Variants in HNF1A observed in about 807,000 individuals in gnomAD.
The protein encoded by HNF1A is hepatocyte nuclear factor 1-alpha.
In HNF1A, 21 loss-of-function variants were observed where a neutral mutation model predicts 62.2. That is an observed-to-expected ratio of 0.34 (90% confidence interval 0.24 to 0.49). The LOEUF (loss-of-function observed/expected upper bound fraction) is 0.49. Ranked by LOEUF, HNF1A falls within the 20% of genes least tolerant of loss-of-function variation. HNF1A has a pLI of 0.99. For synonymous variants in HNF1A, 374 were observed against 366.8 expected (o/e 1.02, Z -0.22); for missense variants, 687 against 832.3 (o/e 0.83, Z 2.15).
chr12:120,999,718 G>A lies in HNF1A; in HGVS notation c.1768+91G>A, dbSNP rs575300468. On this transcript the variant is annotated intron_variant, in intron 9 of 9. Coordinates refer to ENST00000257555, the MANE Select transcript of HNF1A (RefSeq NM_000545.8). ...TTCTGTTGCTGTCCGTCACTGTGGG[G>A]CTGTGCATGCAGCAGGCCTAGGGCT... 9 of 1,477,334 alleles carry A rather than the reference G, an allele frequency of 6.1e-6. No homozygotes were observed. The Admixed American group carries it at 1.0e-4, about 16-fold the overall frequency. The allele number at this position is 1,477,334 out of a possible 1,614,324, so 91.5% of individuals were successfully genotyped here.
rs1486219489 is a variant in HNF1A at position 120,978,691 on chromosome 12, A to G, written c.-78A>G. 7.3e-7 allele frequency: 1 copy of G among 1,377,038 alleles called. No individual in the cohort carries two copies. Among genetic ancestry groups the G allele is most frequent in the African/African-American group, 1.4e-5 (1 of 70,542 alleles). 85.3% of individuals were successfully genotyped at this position (1,377,038 alleles called of 1,614,324 possible). ...GTTTGGTTTGTGTCTGCCGGCCGGC[A>G]GGCAAACGCAACCCACGCGGTGGGG... On this transcript the variant is annotated 5_prime_UTR_variant, in exon 1 of 10. Transcript: ENST00000257555.
intron 1 of HNF1A, 21 bp from the exon 2 acceptor site, chr12:120,988,812 C>A (rs367840665): frequency 1.7e-5 from 27 of 1,612,764 alleles, no homozygotes; most frequent in Middle Eastern, 3.3e-4. Flanking sequence ...CTGAGCAGAT[C>A]CCGTCCTTGC....
chr12:121,001,976 G>A lies in HNF1A; in HGVS notation c.*784G>A, dbSNP rs551229959. On this transcript the variant is annotated 3_prime_UTR_variant, in exon 10 of 10. Transcript: ENST00000257555. ...CCTCTACTGGGAAGGCTACTTCGGG[G>A]CTGGGAAGTCGTCCTTACTCCTGTG... The A allele has an allele frequency of 5.6e-6, 3 of 534,920 alleles. No individual in the cohort carries two copies. The East Asian group carries it at 1.2e-4, about 21-fold the overall frequency. 33.1% of individuals were successfully genotyped at this position (534,920 alleles called of 1,614,324 possible). A position where few individuals can be genotyped will look rare whatever the true frequency, so the allele number is the denominator to read the frequency against.
At position 120,995,791 on chromosome 12, in the gene HNF1A, C is replaced by T. The variant is rs187998322; in HGVS notation, c.956-471C>T. ...CCTCTCCACCCTTTACCACTCCACT[C>T]GACTGTACCCATTCCACTTGATCCC... On this transcript the variant is annotated intron_variant, in intron 4 of 9. Transcript: ENST00000257555. Among the ~76,000 whole-genome samples, 826 of 152,210 alleles carry T rather than the reference C, an allele frequency of 5.4e-3. 5 individuals carry two copies. Among genetic ancestry groups the T allele is most frequent in the Admixed American group, 0.019 (289 of 15,286 alleles).
chr12:120,982,466 G>GGAGC (rs1555210725), intron 1 of HNF1A, among the ~76,000 whole-genome samples: 5 of 151,630 alleles, frequency 3.3e-5, no homozygotes, highest in Non-Finnish European at 7.4e-5. Context: ...CAGGAGGGGG[G>GGAGC]GGGGACAGAG....
intron 7 of HNF1A, 66 bp from the exon 8 acceptor site, chr12:120,999,202 T>G (rs1444306525): frequency 2.5e-6 from 4 of 1,592,880 alleles, no homozygotes; most frequent in Admixed American, 1.7e-5. Context: ...TTCCCCAGTC[T>G]TGAGGCCTGG....
intron 7 of HNF1A, 27 bp from the exon 8 acceptor site, chr12:120,999,241 G>A (rs186358468): frequency 7.4e-6 from 12 of 1,613,630 alleles, no homozygotes; most frequent in Admixed American, 5.0e-5. Context: ...CGTCTGCCAC[G>A]TCTGCCCCTC....
Position 120,988,837 on chromosome 12 carries a change from G to T in HNF1A, c.331G>T (p.Asp111Tyr). The change falls in exon 2 of 10, where the codon GAC becomes TAC. Residue 111 changes from aspartate (D) to tyrosine (Y), a missense_variant. Physicochemically the swap from Asp to Tyr is radical, Grantham distance 160 (BLOSUM62 -3). Coordinates refer to ENST00000257555, the MANE Select transcript of HNF1A (RefSeq NM_000545.8). ...CCCGTCCTTGCCCTCTCCCAGGGAG[G>T]ACCCGTGGCGTGTGGCGAAGATGGT... ...KAVVETLLQE[D>Y]PWRVAKMVKS... The T allele has an allele frequency of 6.2e-7, 1 of 1,614,196 alleles. No homozygotes were observed. Among genetic ancestry groups the T allele is most frequent in the South Asian group, 1.1e-5 (1 of 91,076 alleles).
intron 1 of HNF1A, among the ~76,000 whole-genome samples, chr12:120,983,798 G>A (rs149030470): frequency 7.4e-4 from 113 of 152,068 alleles, no homozygotes; most frequent in African/African-American, 2.4e-3. Context: ...CACCCGCCTC[G>A]GCCTCCCAAA....
At chr12:120,979,970 G>A (rs963365540) in intron 1 of HNF1A, among the ~76,000 whole-genome samples, 2 of 152,230 alleles carry the variant, frequency 1.3e-5, no homozygotes, top group African/African-American at 2.4e-5. Flanking sequence ...ATGGGGGTGT[G>A]GGGGAGAAGG....
intron 2 of HNF1A, among the ~76,000 whole-genome samples, chr12:120,992,966 C>T (rs1876906036): frequency 6.6e-6 from 1 of 152,158 alleles, no homozygotes; most frequent in African/African-American, 2.4e-5. Flanking sequence ...GTGGCCTGCT[C>T]AGGGATAAGC....
chr12:120,979,954 T>C (rs970637485), intron 1 of HNF1A, among the ~76,000 whole-genome samples: 1 of 151,422 alleles, frequency 6.6e-6, no homozygotes, highest in Non-Finnish European at 1.5e-5. Context: ...CTAGTGGGGG[T>C]GGGGGATGGG....
intron 2 of HNF1A, among the ~76,000 whole-genome samples, chr12:120,991,780 TTGTA>T (rs1226261750): frequency 6.6e-6 from 1 of 152,206 alleles, no homozygotes. Context: ...CTATTTTAAT[TTGTA>T]TGAGAAGAAA....
chr12:120,988,799 T>A (rs1402107285), intron 1 of HNF1A, 34 bp from the exon 2 acceptor site: 8 of 1,608,460 alleles, frequency 5.0e-6, no homozygotes, highest in Non-Finnish European at 8.5e-7. Context: ...GAGACAGCCC[T>A]TGCTGAGCAG....
At position 120,999,532 on chromosome 12, in the gene HNF1A, C is replaced by G; in HGVS notation, c.1673C>G (p.Pro558Arg). ...TCCAGTGAGTCCGGGCTTCACACGC[C>G]GGCATCTCAGGCCACCACCCTCCAC... ...EASSESGLHT[P>R]ASQATTLHVP... The change falls in exon 9 of 10, where the codon CCG becomes CGG. Residue 558 changes from proline to arginine, a missense_variant. Pro to Arg is a moderately radical substitution (Grantham distance 103). Coordinates refer to ENST00000257555, the MANE Select transcript of HNF1A (RefSeq NM_000545.8). 6.2e-7 allele frequency: 1 copy of G among 1,613,434 alleles called. No individual in the cohort carries two copies. Among genetic ancestry groups the G allele is most frequent in the East Asian group, 2.2e-5 (1 of 44,870 alleles).
At chr12:120,986,739 C>T (rs1876530608) in intron 1 of HNF1A, among the ~76,000 whole-genome samples, 1 of 152,170 alleles carries the variant, frequency 6.6e-6, no homozygotes, top group South Asian at 2.1e-4. Flanking sequence ...GCCACAATAT[C>T]TGACTTATTT....
chr12:120,985,207 A>C (rs1876449959), intron 1 of HNF1A, among the ~76,000 whole-genome samples: 1 of 151,360 alleles, frequency 6.6e-6, no homozygotes. Context: ...TAGCCTCCTG[A>C]GGAGCTGGGA....
intron 2 of HNF1A, 44 bp downstream of exon 2, chr12:120,989,076 G>A (rs2135833077): frequency 6.3e-7 from 1 of 1,586,610 alleles, no homozygotes; most frequent in East Asian, 2.2e-5. Flanking sequence ...GAGGGCCCAG[G>A]ACTCTCCCCT....
At position 120,999,278 on chromosome 12, in the gene HNF1A, C is replaced by A. The variant is rs944413465; in HGVS notation, c.1512C>A (p.Ser504Arg). Residue 504 changes from serine (S) to arginine (R), a missense_variant, in exon 8 of 10, where the codon AGC becomes AGA. Physicochemically the swap from Ser to Arg is moderately radical, Grantham distance 110. Transcript: ENST00000257555. The part of the protein sequence containing the change: ...AQLQSPHALY[S>R]HKPEVAQYTH... Reference sequence around the variant, plus strand: ...CTCCCCTGCGGCCAGCCCTCTACAGCCACAAGCCCGAGGTGGCCCAGTACA... The same window carrying A: ...CTCCCCTGCGGCCAGCCCTCTACAGACACAAGCCCGAGGTGGCCCAGTACA... 2 of 1,613,996 alleles carry A rather than the reference C, an allele frequency of 1.2e-6. No individual in the cohort carries two copies. Among genetic ancestry groups the A allele is most frequent in the East Asian group, 4.5e-5 (2 of 44,878 alleles).
Sources: allele counts gnomAD v4.1 joint callset (sites outside exome capture counted in the v4.1 genomes callset), GRCh38; gene constraint gnomAD v4.1.1; transcripts MANE v1.5; gene names NCBI Gene and HGNC (gene_info 2026-07-23, HGNC 2026-07-21).